SELENOF: variants seen among roughly 807,000 people sequenced by gnomAD.
SELENOF encodes the protein selenoprotein F, also known as 15 kDa selenoprotein.
Under a neutral mutation model 20.5 loss-of-function variants are expected in SELENOF, and 16 were observed. That is an observed-to-expected ratio of 0.78 (90% CI 0.53 to 1.19). The LOEUF is 1.19. Ranked by LOEUF, SELENOF falls within the 50% of genes most tolerant of loss-of-function variation. The pLI is 0.00. For synonymous variants in SELENOF, 78 were observed against 74.5 expected (o/e 1.05, Z -0.24); for missense variants, 215 against 194.2 (o/e 1.11, Z -0.64).
intron 3 of SELENOF, among the ~76,000 whole-genome samples, chr1:86,877,816 A>G (rs192434541): frequency 3.6e-4 from 55 of 152,296 alleles, no homozygotes. Context: ...AGAACTGTCT[A>G]TGGCTGCTTC....
In SELENOF at chr1:86,868,025, AAAG is replaced by A. The variant is rs1380830024; in HGVS notation, c.366+25_366+27del. ...AAAATAAAGAAATTAAGGCTGGAAA[AAAG>A]AGATCTCCACTACAATCACCTTACC... On this transcript the variant is annotated intron_variant, in intron 4 of 4. Coordinates refer to ENST00000331835, the MANE Select transcript of SELENOF (RefSeq NM_004261.5). 6 of 1,146,020 alleles carry A rather than the reference AAAG, an allele frequency of 5.2e-6. No individual in the cohort carries two copies. In the Admixed American group the frequency reaches 1.4e-4, roughly 26 times the overall value. 71.0% of individuals were successfully genotyped at this position (1,146,020 alleles called of 1,614,324 possible). A position where few individuals can be genotyped will look rare whatever the true frequency, so the allele number is the denominator to read the frequency against.
chr1:86,904,172 T>C lies in SELENOF; in HGVS notation c.85-724A>G, dbSNP rs576159566. ...GATTAGCTGTAGGGTTTATCTACAG[T>C]CACATCCAGCAGAAGAAGGACGGGA... On this transcript the variant is annotated intron_variant, in intron 1 of 4. Coordinates refer to ENST00000331835, the MANE Select transcript of SELENOF (RefSeq NM_004261.5). 2.0e-5 allele frequency among the ~76,000 whole-genome samples: 3 copies of C among 152,194 alleles called. No individual in the cohort carries two copies. The South Asian group carries it at 6.2e-4, about 32-fold the overall frequency.
chr1:86,881,139 G>A (rs1389448094), intron 2 of SELENOF, among the ~76,000 whole-genome samples: 1 of 151,944 alleles, frequency 6.6e-6, no homozygotes, highest in African/African-American at 2.4e-5. Flanking sequence ...TCTTTCTGGT[G>A]GCTTTTAATA....
chr1:86,867,911 T>G (rs1013804485), intron 4 of SELENOF, 142 bp downstream of exon 4: 3 of 396,624 alleles, frequency 7.6e-6, no homozygotes, highest in African/African-American at 6.2e-5. Context: ...AAAAATTATT[T>G]TTCAGTGAAA....
At chr1:86,864,073 G>C (rs1658533189) in intron 4 of SELENOF, among the ~76,000 whole-genome samples, 1 of 152,198 alleles carries the variant, frequency 6.6e-6, no homozygotes, top group Non-Finnish European at 1.5e-5. Flanking sequence ...ACTCTCAAAT[G>C]AACTTAAAAT....
At chr1:86,864,463 T>C (rs946840200) in intron 4 of SELENOF, among the ~76,000 whole-genome samples, 1 of 152,208 alleles carries the variant, frequency 6.6e-6, no homozygotes, top group African/African-American at 2.4e-5. Context: ...CTTCCAGAAT[T>C]ATGCTTCAGT....
chr1:86,871,416 CATA>C (rs1008338147), intron 3 of SELENOF, among the ~76,000 whole-genome samples: 1 of 152,128 alleles, frequency 6.6e-6, no homozygotes, highest in Non-Finnish European at 1.5e-5. Flanking sequence ...CTTCTTTTGA[CATA>C]ATACTAAAGG....
upstream of SELENOF, chr1:86,914,159 T>A (rs1660074635): frequency 6.5e-7 from 1 of 1,549,658 alleles, no homozygotes; most frequent in South Asian, 1.1e-5. Context: ...GCTAGGGGCG[T>A]CCACTCCAGA....
At position 86,886,815 on chromosome 1, in the gene SELENOF, G is replaced by T. The variant is rs78627464; in HGVS notation, c.253-6090C>A. Among the ~76,000 whole-genome samples, 1,211 of 152,140 alleles carry T rather than the reference G, an allele frequency of 8.0e-3. 12 individuals carry two copies. The highest frequency in any genetic ancestry group is 0.027 in the African/African-American group (1,140 of 41,530). On this transcript the variant is annotated intron_variant, in intron 2 of 4. Coordinates refer to ENST00000331835, the MANE Select transcript of SELENOF (RefSeq NM_004261.5). ...GGTTTGCCTTTAAATAAAATGAAGG[G>T]ATTTTAAAATAAGGAAGCATGGCTA... is the stretch of plus-strand genomic sequence containing the variant.
At chr1:86,873,030 G>A (rs926171894) in intron 3 of SELENOF, among the ~76,000 whole-genome samples, 5 of 149,768 alleles carry the variant, frequency 3.3e-5, no homozygotes, top group African/African-American at 1.2e-4. Flanking sequence ...CTGGGCGACA[G>A]TGTGACTCCG....
chr1:86,892,566 T>C (rs1004710469), intron 2 of SELENOF, among the ~76,000 whole-genome samples: 33 of 152,360 alleles, frequency 2.2e-4, no homozygotes, highest in Non-Finnish European at 3.7e-4. Flanking sequence ...TCTGACAGCC[T>C]GAAGCCTAAA....
intron 2 of SELENOF, among the ~76,000 whole-genome samples, chr1:86,898,829 C>T (rs1038456204): frequency 6.6e-6 from 1 of 150,626 alleles, no homozygotes; most frequent in African/African-American, 2.5e-5. Context: ...GTGTTTCTCA[C>T]AGAGGGGGAT....
At chr1:86,914,185 G>T, upstream of SELENOF, 1 of 1,303,286 alleles carries the variant, frequency 7.7e-7, no homozygotes, top group Non-Finnish European at 1.1e-6. Context: ...ATCCAAAACA[G>T]AACGCTAACG....
intron 2 of SELENOF, among the ~76,000 whole-genome samples, chr1:86,887,394 A>G (rs780815438): frequency 6.6e-6 from 1 of 152,316 alleles, no homozygotes; most frequent in Non-Finnish European, 1.5e-5. Context: ...CTATACCATT[A>G]AAGTGTTATT....
At chr1:86,887,878 T>C (rs551361611) in intron 2 of SELENOF, among the ~76,000 whole-genome samples, 2 of 152,090 alleles carry the variant, frequency 1.3e-5, no homozygotes, top group African/African-American at 4.8e-5. Flanking sequence ...ACTTAGGAAA[T>C]ATCACATGAT....
Position 86,903,621 on chromosome 1 carries a change from G to A in SELENOF, c.85-173C>T, listed in dbSNP as rs561055297. 6.5e-4 allele frequency among the ~76,000 whole-genome samples: 98 copies of A among 151,634 alleles called. 1 individual carries two copies. The highest frequency in any genetic ancestry group is 2.3e-3 in the African/African-American group (96 of 41,360). On this transcript the variant is annotated intron_variant, in intron 1 of 4. Transcript: ENST00000331835. ...ATTTAATTTTATTTTTTTTTGAGAC[G>A]GAGTCTTGCTGTCGCCAGGCTGGAG...
At chr1:86,889,046 A>C (rs926801765) in intron 2 of SELENOF, among the ~76,000 whole-genome samples, 1 of 152,230 alleles carries the variant, frequency 6.6e-6, no homozygotes, top group African/African-American at 2.4e-5. Flanking sequence ...ATCACCTAAT[A>C]CATTTGAACT....
chr1:86,902,474 C>T (rs961502134), intron 2 of SELENOF, among the ~76,000 whole-genome samples: 4 of 152,106 alleles, frequency 2.6e-5, no homozygotes, highest in Non-Finnish European at 5.9e-5. Context: ...TGCCTGAAAG[C>T]TTTACAAACC....
At chr1:86,906,627 A>G (rs1221212431) in intron 1 of SELENOF, among the ~76,000 whole-genome samples, 2 of 152,214 alleles carry the variant, frequency 1.3e-5, no homozygotes, top group Non-Finnish European at 2.9e-5. Context: ...AAGTCTATAC[A>G]AGAGAGACAA....
Sources: gnomAD v4.1 joint callset for allele counts (sites outside exome capture counted in the v4.1 genomes callset) on GRCh38, gnomAD v4.1.1 for gene constraint, MANE v1.5 for transcripts, NCBI Gene and HGNC (gene_info 2026-07-23, HGNC 2026-07-21) for gene names.